Variants in GRIK4 observed in about 807,000 individuals in gnomAD.
GRIK4 encodes the protein glutamate ionotropic receptor kainate type subunit 4.
Under a neutral mutation model 104.9 loss-of-function variants are expected in GRIK4, and 40 were observed. The ratio of observed to expected loss-of-function variants is 0.38; its 90% CI spans 0.30 to 0.50. The LOEUF is 0.50. Ranked by LOEUF, GRIK4 falls within the 20% of genes least tolerant of loss-of-function variation. GRIK4 has a pLI of 0.93. For missense variants in GRIK4, 1,047 were observed against 1,308.1 expected, an observed-to-expected ratio of 0.80 and a Z score of 3.08; for synonymous variants, 485 against 524.9, an observed-to-expected ratio of 0.92 and a Z score of 1.04.
intron 3 of GRIK4, among the ~76,000 whole-genome samples, chr11:120,712,512 G>A (rs578259605): frequency 2.0e-5 from 3 of 151,876 alleles, no homozygotes; most frequent in South Asian, 4.2e-4. Flanking sequence ...CTCTGACCAC[G>A]CACGGTGGCA....
chr11:120,531,418 G>A (rs1947922344), intron 1 of GRIK4, among the ~76,000 whole-genome samples: 1 of 152,190 alleles, frequency 6.6e-6, no homozygotes, highest in South Asian at 2.1e-4. Context: ...GACACCAGGA[G>A]TTTCCAATGC....
intron 8 of GRIK4, among the ~76,000 whole-genome samples, chr11:120,845,881 T>C (rs1953839971): frequency 1.3e-5 from 2 of 152,108 alleles, no homozygotes; most frequent in Admixed American, 1.3e-4. Flanking sequence ...AGTGATGGAG[T>C]GAAAGCTCCT....
chr11:120,823,501 T>C (rs1325136048), intron 6 of GRIK4, among the ~76,000 whole-genome samples: 1 of 151,974 alleles, frequency 6.6e-6, no homozygotes, highest in Non-Finnish European at 1.5e-5. Context: ...GTCTTGGAGG[T>C]ATTAAGGGAC....
At chr11:120,719,993 T>TA (rs112426695) in intron 3 of GRIK4, among the ~76,000 whole-genome samples, 5,454 of 141,552 alleles carry the variant, frequency 0.039, 117 homozygotes, top group South Asian at 0.058. Flanking sequence ...TAAGGTAGAT[T>TA]AAAAAAAAAA....
At chr11:120,541,768 C>A (rs997961087) in intron 1 of GRIK4, among the ~76,000 whole-genome samples, 1 of 152,098 alleles carries the variant, frequency 6.6e-6, no homozygotes, top group African/African-American at 2.4e-5. Context: ...AGATTACAGG[C>A]ATGAGCCACT....
chr11:120,860,551 CAGTCCCTCACCCCA>C (rs1374582492), intron 8 of GRIK4, among the ~76,000 whole-genome samples: 1 of 152,176 alleles, frequency 6.6e-6, no homozygotes, highest in Non-Finnish European at 1.5e-5. Context: ...TCTAAAGTAG[CAGTCCCTCACCCCA>C]AGTCCCATCC....
At chr11:120,618,453 G>T (rs566733547) in intron 1 of GRIK4, among the ~76,000 whole-genome samples, 1 of 152,356 alleles carries the variant, frequency 6.6e-6, no homozygotes, top group South Asian at 2.1e-4. Flanking sequence ...TTTTAGGGGA[G>T]GAATTCAAGC....
At chr11:120,512,805 G>C (rs1947679678) in intron 1 of GRIK4, among the ~76,000 whole-genome samples, 1 of 152,154 alleles carries the variant, frequency 6.6e-6, no homozygotes, top group South Asian at 2.1e-4. Flanking sequence ...TGGCTCCCTT[G>C]AGCTGAGCAA....
chr11:120,893,901 CGTCTGAGTTG>C (rs1275514284), intron 11 of GRIK4, among the ~76,000 whole-genome samples: 2 of 152,268 alleles, frequency 1.3e-5, no homozygotes, highest in East Asian at 3.9e-4. Flanking sequence ...TCCTGTTTGT[CGTCTGAGTTG>C]GTCTTTTTGC....
intron 1 of GRIK4, among the ~76,000 whole-genome samples, chr11:120,529,385 A>T (rs945102706): frequency 2.6e-5 from 4 of 152,206 alleles, no homozygotes; most frequent in African/African-American, 9.6e-5. Flanking sequence ...GCCCATCGAC[A>T]TTAGAGGGAT....
chr11:120,975,986 T>C (rs1360657042), intron 19 of GRIK4, among the ~76,000 whole-genome samples: 1 of 152,200 alleles, frequency 6.6e-6, no homozygotes, highest in Non-Finnish European at 1.5e-5. Flanking sequence ...CATGCTGACT[T>C]TGCTCATAGT....
At chr11:120,714,578 T>C (rs1462556705) in intron 3 of GRIK4, among the ~76,000 whole-genome samples, 1 of 152,170 alleles carries the variant, frequency 6.6e-6, no homozygotes, top group African/African-American at 2.4e-5. Flanking sequence ...AAATGTGTCC[T>C]AATAGAGGAA....
intron 3 of GRIK4, among the ~76,000 whole-genome samples, chr11:120,716,721 C>T (rs1181234384): frequency 3.3e-5 from 5 of 152,192 alleles, no homozygotes; most frequent in Non-Finnish European, 7.3e-5. Context: ...CCTGACCTGA[C>T]ATTCCCTCTG....
chr11:120,744,839 T>C (rs949844335), intron 3 of GRIK4, among the ~76,000 whole-genome samples: 6 of 152,206 alleles, frequency 3.9e-5, no homozygotes, highest in African/African-American at 1.4e-4. Flanking sequence ...ATAACTGTTA[T>C]TTATATAAGA....
At chr11:120,602,136 G>T (rs926515444) in intron 1 of GRIK4, among the ~76,000 whole-genome samples, 2 of 152,138 alleles carry the variant, frequency 1.3e-5, no homozygotes, top group Non-Finnish European at 2.9e-5. Context: ...GCTCCTTACA[G>T]TATAGTTCAG....
chr11:120,709,576 T>C (rs1950689859), intron 3 of GRIK4, among the ~76,000 whole-genome samples: 1 of 152,210 alleles, frequency 6.6e-6, no homozygotes. Flanking sequence ...TACTGGAGAA[T>C]TGGTGCCATC....
At chr11:120,712,808 C>G (rs1263365793) in intron 3 of GRIK4, among the ~76,000 whole-genome samples, 1 of 152,174 alleles carries the variant, frequency 6.6e-6, no homozygotes, top group Non-Finnish European at 1.5e-5. Flanking sequence ...CCTTTATACA[C>G]TTGAAGTTAG....
chr11:120,883,171 C>T (rs1470231620), intron 11 of GRIK4, among the ~76,000 whole-genome samples: 4 of 152,164 alleles, frequency 2.6e-5, no homozygotes, highest in African/African-American at 7.2e-5. Context: ...GTGCACAGCC[C>T]ACCTCCCTGG....
chr11:120,567,859 A>T (rs1458738411), intron 1 of GRIK4, among the ~76,000 whole-genome samples: 1 of 152,218 alleles, frequency 6.6e-6, no homozygotes, highest in East Asian at 1.9e-4. Flanking sequence ...GACCAAAAAC[A>T]TCCCATAAAG....
Sources: allele counts gnomAD v4.1 joint callset (sites outside exome capture counted in the v4.1 genomes callset), GRCh38; gene constraint gnomAD v4.1.1; transcripts MANE v1.5; gene names NCBI Gene and HGNC (gene_info 2026-07-23, HGNC 2026-07-21).